Variants in NOP56 observed in about 807,000 individuals in gnomAD.
The protein encoded by NOP56 is NOP56 ribonucleoprotein, also known as nucleolar protein 56.
A neutral mutation model predicts 58.3 loss-of-function variants in NOP56; 31 were observed. The ratio of observed to expected loss-of-function variants is 0.53; its 90% CI spans 0.40 to 0.72. NOP56 has a LOEUF of 0.72. Among genes scored for constraint, NOP56 ranks in the 30% least tolerant of loss-of-function variants. NOP56 has a pLI of 0.00. For synonymous variants in NOP56, 313 were observed against 282.8 expected (o/e 1.11, Z -1.07); for missense variants, 669 against 739.9 (o/e 0.90, Z 1.11).
chr20:2,653,176 A>G (rs1239871062), intron 2 of NOP56, 103 bp from the exon 3 acceptor site: 2 of 960,688 alleles, frequency 2.1e-6, no homozygotes, highest in Non-Finnish European at 3.3e-6. Context: ...GGGCCCAGGT[A>G]TCAGCATATT....
intron 10 of NOP56, 29 bp downstream of exon 10, chr20:2,656,924 G>T: frequency 6.2e-7 from 1 of 1,614,046 alleles, no homozygotes; most frequent in Non-Finnish European, 8.5e-7. Flanking sequence ...GGTGTGGAGT[G>T]GCATAGCTAG....
intron 7 of NOP56, 53 bp downstream of exon 7, chr20:2,655,799 C>G (rs1486955643): frequency 6.2e-7 from 1 of 1,612,990 alleles, no homozygotes; most frequent in Non-Finnish European, 8.5e-7. Flanking sequence ...GCCATGTGCA[C>G]CTGCACTGCT....
At chr20:2,653,877 T>C (rs1278413093) in intron 3 of NOP56, 1 of 306,590 alleles carries the variant, frequency 3.3e-6, no homozygotes, top group Non-Finnish European at 6.5e-6. Context: ...CTAGTCTCCA[T>C]CTCCTGACCT....
chr20:2,654,708 C>G, intron 4 of NOP56, 41 bp from the exon 5 acceptor site: 1 of 1,611,158 alleles, frequency 6.2e-7, no homozygotes, highest in Non-Finnish European at 8.5e-7. Context: ...CGGGAGCTAG[C>G]TCAGAGCCCC....
In NOP56 at chr20:2,652,732, AGGGCCT is replaced by A. The variant is rs1555779353; in HGVS notation, c.3+89_4-85del. 8.3e-5 allele frequency: 92 copies of A among 1,108,246 alleles called. No individual in the cohort carries two copies. The African/African-American group carries it at 8.7e-4, about 10-fold the overall frequency. The allele number at this position is 1,108,246 out of a possible 1,614,324, so 68.7% of individuals were successfully genotyped here. A position where few individuals can be genotyped will look rare whatever the true frequency, so the allele number is the denominator to read the frequency against. On this transcript the variant is annotated intron_variant, in intron 1 of 11. Coordinates refer to ENST00000329276, the MANE Select transcript of NOP56 (RefSeq NM_006392.4). ...TTCGGCCTGCGTTCGGGCCGCAGAC[AGGGCCT>A]GGGCCTGGGCCTGGGCCTGCGCCTG...
intron 11 of NOP56, 152 bp downstream of exon 11, chr20:2,657,370 T>C: frequency 1.8e-6 from 2 of 1,131,514 alleles, no homozygotes; most frequent in Non-Finnish European, 2.6e-6. Context: ...CTTGATTCTA[T>C]AGGAAGGAGA....
chr20:2,657,878 A>C lies in NOP56; in HGVS notation c.1420-51A>C, dbSNP rs199804114. On this transcript the variant is annotated intron_variant, in intron 11 of 11. Transcript: ENST00000329276. ...CCTGCCTTGGCTACTTAATTGCTGA[A>C]GATGTAATGAGCACTGTTCTCACAG... 1.1e-3 allele frequency: 1,707 copies of C among 1,517,036 alleles called. 4 individuals carry two copies. Among genetic ancestry groups the C allele is most frequent in the Non-Finnish European group, 1.4e-3 (1,632 of 1,133,258 alleles). 94.0% of individuals were successfully genotyped at this position (1,517,036 alleles called of 1,614,324 possible).
chr20:2,653,620 T>G (rs1300524792), intron 3 of NOP56: 1 of 533,346 alleles, frequency 1.9e-6, no homozygotes. Flanking sequence ...GAATGTGTGT[T>G]AACGTTTCCT....
At chr20:2,653,133 C>T (rs371357434) in intron 2 of NOP56, 146 bp from the exon 3 acceptor site, 6 of 818,012 alleles carry the variant, frequency 7.3e-6, no homozygotes, top group East Asian at 2.4e-5. Flanking sequence ...CCGGACGCCG[C>T]CCCCGAACGA....
intron 5 of NOP56, 182 bp from the exon 6 acceptor site, chr20:2,655,143 T>C (rs1166650309): frequency 9.6e-7 from 1 of 1,036,694 alleles, no homozygotes; most frequent in African/African-American, 1.6e-5. Flanking sequence ...ACCTACCCCA[T>C]ATACACCTCA....
In NOP56 at chr20:2,658,391, A is replaced by G; in HGVS notation, c.*97A>G. 6 of 1,612,190 alleles carry G rather than the reference A, an allele frequency of 3.7e-6. No homozygotes were observed. Among genetic ancestry groups the G allele is most frequent in the South Asian group, 1.1e-5 (1 of 90,578 alleles). On this transcript the variant is annotated 3_prime_UTR_variant, in exon 12 of 12. Coordinates refer to ENST00000329276, the MANE Select transcript of NOP56 (RefSeq NM_006392.4). ...GTTCCCCAATAAAAACAAATTCACA[A>G]GAGTTGGTTCATGTTCTTTATTGAA...
intron 5 of NOP56, 49 bp downstream of exon 5, chr20:2,654,996 C>G (rs1325816841): frequency 1.2e-6 from 2 of 1,604,960 alleles, no homozygotes; most frequent in Non-Finnish European, 1.7e-6. Flanking sequence ...GTCTGTAGTT[C>G]AGTTAATTTT....
In NOP56 at chr20:2,656,900, G is replaced by C. The variant is rs1309107023; in HGVS notation, c.1281+5G>C. The C allele has an allele frequency of 6.2e-7, 1 of 1,614,166 alleles. No individual in the cohort carries two copies. The highest frequency in any genetic ancestry group is 8.5e-7 in the Non-Finnish European group (1 of 1,180,016). On this transcript the variant is annotated splice_donor_5th_base_variant and intron_variant, in intron 10 of 11. Coordinates refer to ENST00000329276, the MANE Select transcript of NOP56 (RefSeq NM_006392.4). ...ATGAAGGAAGCAATGGTTCAGGTCA[G>C]TTGGGCTTTGCTGGGTGTGGAGTGG... is the stretch of plus-strand genomic sequence containing the variant.
At chr20:2,657,578 A>G (rs559450617) in intron 11 of NOP56, 276 of 519,024 alleles carry the variant, frequency 5.3e-4, no homozygotes, top group South Asian at 1.4e-3. Flanking sequence ...GAGGTCCCCA[A>G]TGTGCTAAGC....
intron 3 of NOP56, 79 bp from the exon 4 acceptor site, chr20:2,654,335 G>C: frequency 6.6e-7 from 1 of 1,523,108 alleles, no homozygotes. Flanking sequence ...TGCTCGGTGG[G>C]ACCAGGGTAG....
At chr20:2,654,669 C>G in intron 4 of NOP56, 80 bp from the exon 5 acceptor site, 2 of 1,604,372 alleles carry the variant, frequency 1.2e-6, no homozygotes, top group Non-Finnish European at 1.7e-6. Context: ...TCTGGGAAGG[C>G]CTTCAGGCTG....
In NOP56 at chr20:2,656,521, T is replaced by C. The variant is rs1162059582; in HGVS notation, c.1131T>C (p.Ser377=). 1 of 1,614,100 alleles carries C rather than the reference T, an allele frequency of 6.2e-7. No individual in the cohort carries two copies. The highest frequency in any genetic ancestry group is 1.3e-5 in the African/African-American group (1 of 75,018). Residue 377 remains serine, a synonymous_variant, in exon 9 of 12, where the codon AGT becomes AGC. Coordinates refer to ENST00000329276, the MANE Select transcript of NOP56 (RefSeq NM_006392.4). ...CCCGATACCTGGCAAACAAATGCAG[T>C]ATTGCCTCACGAATCGATTGCTTCT... ...RISRYLANKC[S]IASRIDCFSE...
In NOP56 at chr20:2,655,529, G is replaced by A; in HGVS notation, c.757+17G>A. 3 of 1,614,082 alleles carry A rather than the reference G, an allele frequency of 1.9e-6. No individual in the cohort carries two copies. In the South Asian group the frequency reaches 3.3e-5, roughly 18 times the overall value. On this transcript the variant is annotated intron_variant, in intron 6 of 11. Transcript: ENST00000329276. Reference sequence around the variant, plus strand: ...CCTCCATGGGTCAGTGCAGAGCCTGGCAACCTGCATAAGGTATGGGGCTCT... The same window carrying A: ...CCTCCATGGGTCAGTGCAGAGCCTGACAACCTGCATAAGGTATGGGGCTCT...
rs757750058 is a variant in NOP56, at chr20:2,657,337, A to G, written c.1419+119A>G. 25 of 1,397,742 alleles carry G rather than the reference A, an allele frequency of 1.8e-5. No homozygotes were observed. The African/African-American group carries it at 2.5e-4, about 14-fold the overall frequency. 86.6% of individuals were successfully genotyped at this position (1,397,742 alleles called of 1,614,324 possible). A position where few individuals can be genotyped will look rare whatever the true frequency, so the allele number is the denominator to read the frequency against. Reference sequence around the variant, plus strand: ...TCCAGGCTTTTGGACTGAAACAAGGACCTGAAACATCTAAAACTACCTCTT... The same window carrying G: ...TCCAGGCTTTTGGACTGAAACAAGGGCCTGAAACATCTAAAACTACCTCTT... On this transcript the variant is annotated intron_variant, in intron 11 of 11. Transcript: ENST00000329276.
Sources: gnomAD v4.1 joint callset for allele counts on GRCh38, gnomAD v4.1.1 for gene constraint, MANE v1.5 for transcripts, NCBI Gene and HGNC (gene_info 2026-07-23, HGNC 2026-07-21) for gene names.